SLC35B3: variants seen among roughly 807,000 people sequenced by gnomAD.
SLC35B3 encodes the protein solute carrier family 35 member B3, also known as adenosine 3'-phospho 5'-phosphosulfate transporter 2.
Under a neutral mutation model 44.1 loss-of-function variants are expected in SLC35B3, and 35 were observed. The observed-to-expected ratio is 0.79, with a 90% CI of 0.61 to 1.05. The LOEUF is 1.05. Among genes scored for constraint, SLC35B3 ranks in the 50% least tolerant of loss-of-function variants. The pLI is 0.00. For missense variants in SLC35B3, 414 were observed against 476.4 expected, an observed-to-expected ratio of 0.87 and a Z score of 1.22; for synonymous variants, 146 against 167.3, an observed-to-expected ratio of 0.87 and a Z score of 0.98.
intron 8 of SLC35B3, 79 bp from the exon 8 acceptor site, chr6:8,417,074 T>C: frequency 1.4e-6 from 1 of 718,282 alleles, no homozygotes; most frequent in South Asian, 2.0e-5. Context: ...ACTACAGATG[T>C]TAATCAACTT....
chr6:8,427,810 T>C (rs1312581392), intron 4 of SLC35B3, 127 bp downstream of exon 3: 1 of 689,034 alleles, frequency 1.5e-6, no homozygotes, highest in Non-Finnish European at 2.4e-6. Context: ...AGTATTAAGT[T>C]AGTTACACTA....
At chr6:8,431,817 TAGTGCA>T (rs1764014944) in intron 2 of SLC35B3, among the ~76,000 whole-genome samples, 1 of 152,182 alleles carries the variant, frequency 6.6e-6, no homozygotes, top group Non-Finnish European at 1.5e-5. Flanking sequence ...AGCATGGATA[TAGTGCA>T]CCATTCAAAT....
chr6:8,429,973 T>C lies in SLC35B3; in HGVS notation c.188A>G (p.Asp63Gly). 1 of 1,613,462 alleles carries C rather than the reference T, an allele frequency of 6.2e-7. No individual in the cohort carries two copies. Among genetic ancestry groups the C allele is most frequent in the Non-Finnish European group, 8.5e-7 (1 of 1,179,770 alleles). The stretch of plus-strand genomic sequence containing the variant: ...ATTCATGCCAAGTACCACAACGTCG[T>C]CAACTGACTTGATGTGTGGTGACAT... Residue 63 changes from aspartate (D) to glycine (G), a missense_variant, in exon 3 of 11, where the codon GAC (aspartate) becomes GGC (glycine). By Grantham distance (94) the Asp-to-Gly change is moderately conservative (BLOSUM62 -1). Coordinates refer to ENST00000644923, the MANE Select transcript of SLC35B3 (RefSeq NM_001370476.2).
At chr6:8,423,987 T>C (rs1401041542) in intron 4 of SLC35B3, among the ~76,000 whole-genome samples, 2 of 152,106 alleles carry the variant, frequency 1.3e-5, no homozygotes, top group Admixed American at 1.3e-4. Flanking sequence ...TGGCAAATCA[T>C]TGGCAGAAAA....
At chr6:8,427,904 A>AAGT (rs3215958) in intron 4 of SLC35B3, 33 bp downstream of exon 3, 688,131 of 1,581,416 alleles carry the variant, frequency 0.44, 154,887 homozygotes, top group African/African-American at 0.71. Context: ...CAACTAATAT[A>AAGT]GAAATATCAA....
Position 8,413,376 on chromosome 6 carries a change from CA to C in SLC35B3, c.*172del, listed in dbSNP as rs2113212468. ...TCTCTTGATTGCTTTGGAAGTCAGT[CA>C]AACAAATGCTCTGAAGAAAAGGCTG... On this transcript the variant is annotated 3_prime_UTR_variant, in exon 11 of 11. Transcript: ENST00000644923. 1.9e-6 allele frequency: 1 copy of C among 532,640 alleles called. No individual in the cohort carries two copies. The highest frequency in any genetic ancestry group is 3.0e-5 in the South Asian group (1 of 33,806). The allele number at this position is 532,640 out of a possible 1,614,324, so 33.0% of individuals were successfully genotyped here.
At chr6:8,428,243 T>C (rs377318697) in intron 3 of SLC35B3, among the ~76,000 whole-genome samples, 185 bp from the exon 3 acceptor site, 17 of 152,234 alleles carry the variant, frequency 1.1e-4, no homozygotes, top group Non-Finnish European at 1.5e-5. Context: ...TCTTGTGCCA[T>C]AGATGATATA....
chr6:8,413,905 T>C lies in SLC35B3; in HGVS notation c.1056-206A>G, dbSNP rs371605040. On this transcript the variant is annotated intron_variant, in intron 10 of 10. Transcript: ENST00000644923. ...ATCTTTTAATAATGCATTGAGTAGA[T>C]ATAAAGAAAGATATTTTACAAAATT... 3.9e-5 allele frequency among the ~76,000 whole-genome samples: 6 copies of C among 152,112 alleles called. No homozygotes were observed. The East Asian group carries it at 1.2e-3, about 29-fold the overall frequency.
Position 8,420,057 on chromosome 6 carries a change from C to A in SLC35B3, c.683-380G>T, listed in dbSNP as rs74629017. Among the ~76,000 whole-genome samples, 1,755 of 146,564 alleles carry A rather than the reference C, an allele frequency of 0.012. 23 individuals are homozygous for A. The highest frequency in any genetic ancestry group is 0.047 in the East Asian group (235 of 5,044). ...TTCAGTTAATTAAAAAAAAAAAAAA[C>A]AGATGAAGAGAAAAGTCATTTTTGA... On this transcript the variant is annotated intron_variant, in intron 6 of 10. Coordinates refer to ENST00000644923, the MANE Select transcript of SLC35B3 (RefSeq NM_001370476.2). This position sits in a 1 kb window ranked among gnomAD's most constrained non-coding sequence, Gnocchi z 4.4.
intron 4 of SLC35B3, among the ~76,000 whole-genome samples, chr6:8,425,009 G>A (rs1763281660): frequency 6.6e-6 from 1 of 151,910 alleles, no homozygotes; most frequent in Non-Finnish European, 1.5e-5. Flanking sequence ...AATTCAGAAA[G>A]GTTTCAATTC....
chr6:8,431,898 C>T (rs984415774), intron 2 of SLC35B3, among the ~76,000 whole-genome samples: 14 of 152,280 alleles, frequency 9.2e-5, no homozygotes, highest in East Asian at 3.9e-4. Flanking sequence ...CCCTAAACCA[C>T]CCATGTTTCA....
intron 9 of SLC35B3, among the ~76,000 whole-genome samples, chr6:8,415,277 C>G (rs1425665024): frequency 6.6e-6 from 1 of 152,142 alleles, no homozygotes; most frequent in Non-Finnish European, 1.5e-5. Flanking sequence ...CAGTTTAAGT[C>G]TTAGAGAAAG....
At chr6:8,430,330 T>C (rs879317815) in intron 2 of SLC35B3, among the ~76,000 whole-genome samples, 173 bp from the exon 2 acceptor site, 2 of 152,174 alleles carry the variant, frequency 1.3e-5, no homozygotes, top group Non-Finnish European at 2.9e-5. Flanking sequence ...CTACAATCTT[T>C]AAACAATTTG....
Position 8,432,993 on chromosome 6 carries a change from C to G in SLC35B3, c.3+1392G>C, listed in dbSNP as rs1016031693. Among the ~76,000 whole-genome samples, 3 of 152,136 alleles carry G rather than the reference C, an allele frequency of 2.0e-5. No individual in the cohort carries two copies. The highest frequency in any genetic ancestry group is 7.2e-5 in the African/African-American group (3 of 41,434). On this transcript the variant is annotated intron_variant, in intron 2 of 10. Transcript: ENST00000644923. The surrounding 1 kb of genome is among the most constrained non-coding windows in gnomAD (Gnocchi z 4.8). ...CTCAAAACAAATCTACTGTTTGTTC[C>G]TATATTCCCAATCTCACTTAACAGT...
Position 8,434,363 on chromosome 6 carries a change from G to C in SLC35B3, c.3+22C>G, listed in dbSNP as rs532474784. 1.2e-6 allele frequency: 2 copies of C among 1,609,836 alleles called. No individual in the cohort carries two copies. Among genetic ancestry groups the C allele is most frequent in the South Asian group, 1.1e-5 (1 of 90,906 alleles). ...TTAACTATACTTTGCCACACTCAACGTTACAAATAAAAGAATCTTACCATG... is the reference window on the plus strand; with the variant it reads ...TTAACTATACTTTGCCACACTCAACCTTACAAATAAAAGAATCTTACCATG... On this transcript the variant is annotated intron_variant, in intron 2 of 10. Transcript: ENST00000644923. The surrounding 1 kb of genome is among the most constrained non-coding windows in gnomAD (Gnocchi z 6.3).
chr6:8,417,989 C>T (rs1192697056), intron 7 of SLC35B3, among the ~76,000 whole-genome samples: 1 of 152,138 alleles, frequency 6.6e-6, no homozygotes, highest in Non-Finnish European at 1.5e-5. Flanking sequence ...GCAGCAGCAG[C>T]AGCAGCAGCA....
chr6:8,419,642 C>T lies in SLC35B3; in HGVS notation c.718G>A (p.Ala240Thr). Residue 240 changes from alanine to threonine, a missense_variant, in exon 7 of 11, where the codon GCC (alanine) becomes ACC (threonine). Transcript: ENST00000644923. This position sits in a 1 kb window ranked among gnomAD's most constrained non-coding sequence, Gnocchi z 4.3. Reference sequence around the variant, plus strand: ...TTCTCTTGAACATTTCCAATGACGGCATCTGCACATAGTGCCAGGGAAATA... The same window carrying T: ...TTCTCTTGAACATTTCCAATGACGGTATCTGCACATAGTGCCAGGGAAATA... 6.4e-7 allele frequency: 1 copy of T among 1,556,874 alleles called. No homozygotes were observed. Among genetic ancestry groups the T allele is most frequent in the Non-Finnish European group, 8.7e-7 (1 of 1,145,134 alleles).
chr6:8,414,036 T>C (rs1762195693), intron 10 of SLC35B3, among the ~76,000 whole-genome samples: 1 of 152,138 alleles, frequency 6.6e-6, no homozygotes, highest in African/African-American at 2.4e-5. Flanking sequence ...CATGTATATC[T>C]ACCAAAGGCC....
chr6:8,418,470 A>AAC (rs35180249), intron 7 of SLC35B3, among the ~76,000 whole-genome samples: 3,390 of 148,366 alleles, frequency 0.023, 66 homozygotes, highest in Non-Finnish European at 0.034. Flanking sequence ...AATTAATGTA[A>AAC]ACACACACAC....
Sources: gnomAD v4.1 joint callset for allele counts (sites outside exome capture counted in the v4.1 genomes callset) on GRCh38, gnomAD v4.1.1 for gene constraint, Gnocchi (gnomAD v3.1) non-coding constraint, MANE v1.5 for transcripts, NCBI Gene and HGNC (gene_info 2026-07-23, HGNC 2026-07-21) for gene names.